The following SPICE1 variants were observed in gnomAD, a reference collection of about 807,000 sequenced individuals.
The protein encoded by SPICE1 is spindle and centriole-associated protein 1.
Under a neutral mutation model 102.7 loss-of-function variants are expected in SPICE1, and 75 were observed. The observed-to-expected ratio is 0.73, with a 90% CI of 0.61 to 0.88. SPICE1 has a LOEUF of 0.88. Ranked by LOEUF, SPICE1 falls within the 40% of genes least tolerant of loss-of-function variation. The pLI is 0.00. For synonymous variants in SPICE1, 308 were observed against 350.3 expected (o/e 0.88, Z 1.35); for missense variants, 979 against 1,020.1 (o/e 0.96, Z 0.55).
chr3:113,478,027 GA>G (rs1455073628), intron 7 of SPICE1, among the ~76,000 whole-genome samples: 1 of 146,362 alleles, frequency 6.8e-6, no homozygotes, highest in Non-Finnish European at 1.5e-5. Context: ...GTAAAAAAAA[GA>G]AAACAAGATT....
rs1386088367 is a variant in SPICE1, at chr3:113,459,433, AAAC to A, written c.1435+1181_1435+1183del. ...ATCAATAAATACTAAAAAAAATTAA[AAAC>A]AAAACAAAACAAAACAAAACAAAAA... On this transcript the variant is annotated intron_variant, in intron 12 of 17. Coordinates refer to ENST00000295872, the MANE Select transcript of SPICE1 (RefSeq NM_144718.4). The A allele has an allele frequency of 3.2e-6, 3 of 933,640 alleles. No homozygotes were observed. In the African/African-American group the frequency reaches 5.9e-5, roughly 18 times the overall value. 57.8% of individuals were successfully genotyped at this position (933,640 alleles called of 1,614,324 possible).
At chr3:113,455,940 G>C (rs1210632953) in intron 13 of SPICE1, among the ~76,000 whole-genome samples, 1 of 152,208 alleles carries the variant, frequency 6.6e-6, no homozygotes, top group Non-Finnish European at 1.5e-5. Flanking sequence ...TACAATGATA[G>C]AGCTGGAGGG....
chr3:113,497,609 CATCCTAGGTCAACTAA>C (rs958517811), intron 4 of SPICE1, among the ~76,000 whole-genome samples: 21 of 151,156 alleles, frequency 1.4e-4, no homozygotes, highest in African/African-American at 4.4e-4. Flanking sequence ...CATGGGGCCA[CATCCTAGGTCAACTAA>C]ATCTGAATCT....
rs1553768641 is a variant in SPICE1, at chr3:113,480,912, T to TAAAGAAAGAAAGAAAGAAAGAAAG, written c.611+8032_611+8033insCTTTCTTTCTTTCTTTCTTTCTTT. On this transcript the variant is annotated intron_variant, in intron 7 of 17. Transcript: ENST00000295872. ...AAAAATAACAATGATTTTAAAAATT[T>TAAAGAAAGAAAGAAAGAAAGAAAG]AAAGAAAGAAAGAAAGAAAAAAGAC... 8.5e-4 allele frequency among the ~76,000 whole-genome samples: 91 copies of TAAAGAAAGAAAGAAAGAAAGAAAG among 106,494 alleles called. 4 individuals carry two copies. The highest frequency in any genetic ancestry group is 3.7e-3 in the African/African-American group (86 of 23,216). 69.9% of individuals were successfully genotyped at this position (106,494 alleles called of 152,430 possible).
intron 7 of SPICE1, among the ~76,000 whole-genome samples, chr3:113,481,816 T>C (rs190164802): frequency 3.7e-4 from 56 of 152,328 alleles, no homozygotes; most frequent in South Asian, 3.1e-3. Context: ...CAGTCTATCA[T>C]TGATGGGCAC....
At chr3:113,476,258 C>T (rs1936344115) in intron 7 of SPICE1, among the ~76,000 whole-genome samples, 1 of 150,860 alleles carries the variant, frequency 6.6e-6, no homozygotes, top group Non-Finnish European at 1.5e-5. Context: ...AGGAGAACTA[C>T]AAACCACTGC....
chr3:113,474,532 T>C (rs977857399), intron 7 of SPICE1, among the ~76,000 whole-genome samples: 1 of 151,998 alleles, frequency 6.6e-6, no homozygotes, highest in Admixed American at 6.5e-5. Context: ...GACCACAAAC[T>C]TGGAAGTAAA....
At chr3:113,499,956 CAT>C (rs1936976997) in intron 3 of SPICE1, among the ~76,000 whole-genome samples, 1 of 151,976 alleles carries the variant, frequency 6.6e-6, no homozygotes, top group Non-Finnish European at 1.5e-5. Context: ...CACATACACA[CAT>C]ATACACACAC....
intron 6 of SPICE1, 54 bp from the exon 7 acceptor site, chr3:113,489,117 C>A: frequency 1.7e-6 from 2 of 1,151,870 alleles, no homozygotes; most frequent in Non-Finnish European, 2.6e-6. Flanking sequence ...TATACTCAGA[C>A]TTTCTTTTTT....
At chr3:113,473,258 C>T (rs919143832) in intron 7 of SPICE1, among the ~76,000 whole-genome samples, 1 of 152,160 alleles carries the variant, frequency 6.6e-6, no homozygotes, top group African/African-American at 2.4e-5. Flanking sequence ...AAGAAACGAA[C>T]AAAGCCTCCA....
chr3:113,497,078 G>C (rs1456150085), intron 4 of SPICE1, among the ~76,000 whole-genome samples: 1 of 152,162 alleles, frequency 6.6e-6, no homozygotes, highest in African/African-American at 2.4e-5. Flanking sequence ...TTTGTAAGTG[G>C]GAATGGCCAT....
At chr3:113,482,067 TAGC>T (rs1409375211) in intron 7 of SPICE1, among the ~76,000 whole-genome samples, 3 of 152,154 alleles carry the variant, frequency 2.0e-5, no homozygotes, top group Non-Finnish European at 4.4e-5. Flanking sequence ...ACATCCTTTC[TAGC>T]ATCTGTTATT....
chr3:113,481,936 G>C (rs1281710181), intron 7 of SPICE1, among the ~76,000 whole-genome samples: 3 of 152,054 alleles, frequency 2.0e-5, no homozygotes, highest in African/African-American at 7.2e-5. Flanking sequence ...CCCAGTAATG[G>C]GATTGCTGGG....
rs577577605 is a variant in SPICE1 at position 113,454,507 on chromosome 3, G to A, written c.1658-557C>T. Among the ~76,000 whole-genome samples, 13 of 152,190 alleles carry A rather than the reference G, an allele frequency of 8.5e-5. No individual in the cohort carries two copies. In the South Asian group the frequency reaches 1.2e-3, roughly 15 times the overall value. Reference sequence around the variant, plus strand: ...GCAGATCACCTCAGGTCAGGAGTTCGAGATCAGCCTGGCCAACATAGTGAA... The same window carrying A: ...GCAGATCACCTCAGGTCAGGAGTTCAAGATCAGCCTGGCCAACATAGTGAA... On this transcript the variant is annotated intron_variant, in intron 13 of 17. Coordinates refer to ENST00000295872, the MANE Select transcript of SPICE1 (RefSeq NM_144718.4).
At chr3:113,493,571 C>T (rs371893295) in intron 5 of SPICE1, among the ~76,000 whole-genome samples, 4 of 152,044 alleles carry the variant, frequency 2.6e-5, no homozygotes, top group East Asian at 3.8e-4. Flanking sequence ...AGTAACTAGC[C>T]CAGAGTAACA....
chr3:113,498,777 T>C (rs1936951446), intron 4 of SPICE1, among the ~76,000 whole-genome samples: 1 of 152,186 alleles, frequency 6.6e-6, no homozygotes, highest in Admixed American at 6.5e-5. Context: ...ACAAAGCACA[T>C]TCCTTCACAA....
At chr3:113,455,811 C>T (rs1935766598) in intron 13 of SPICE1, among the ~76,000 whole-genome samples, 1 of 152,146 alleles carries the variant, frequency 6.6e-6, no homozygotes, top group Non-Finnish European at 1.5e-5. Context: ...AAGATATTAA[C>T]AAAATGTTGT....
intron 7 of SPICE1, among the ~76,000 whole-genome samples, chr3:113,477,421 C>A (rs1314171374): frequency 6.6e-6 from 1 of 151,586 alleles, no homozygotes; most frequent in Non-Finnish European, 1.5e-5. Context: ...TTTGACCCAG[C>A]CATCCCATTG....
At chr3:113,452,618 C>T (rs957224004) in intron 14 of SPICE1, among the ~76,000 whole-genome samples, 2 of 150,936 alleles carry the variant, frequency 1.3e-5, no homozygotes, top group African/African-American at 4.9e-5. Context: ...CAGGAGGTGG[C>T]GGTTGCAGGG....
Sources: allele counts gnomAD v4.1 joint callset (sites outside exome capture counted in the v4.1 genomes callset), GRCh38; gene constraint gnomAD v4.1.1; transcripts MANE v1.5; gene names NCBI Gene and HGNC (gene_info 2026-07-23, HGNC 2026-07-21).